DCDC1: variants seen among roughly 807,000 people sequenced by gnomAD.
DCDC1 encodes doublecortin domain containing 1, also known as doublecortin domain-containing protein 1.
In DCDC1, 200 loss-of-function variants were observed where a neutral mutation model predicts 178.3. The ratio of observed to expected loss-of-function variants is 1.12; its 90% CI spans 1.00 to 1.26. DCDC1 has a LOEUF of 1.26. Among genes scored for constraint, DCDC1 ranks in the 50% most tolerant of loss-of-function variants. The pLI, the probability that DCDC1 is intolerant of heterozygous loss-of-function variation, is 0.00. For synonymous variants in DCDC1, 690 were observed against 604.8 expected (o/e 1.14, Z -2.07); for missense variants, 1,983 against 1,749.2 (o/e 1.13, Z -2.38).
chr11:30,976,101 C>T (rs1256643898), intron 20 of DCDC1, among the ~76,000 whole-genome samples: 1 of 152,058 alleles, frequency 6.6e-6, no homozygotes, highest in Non-Finnish European at 1.5e-5. Flanking sequence ...TAAGAACAAA[C>T]ATTGGTGAAA....
At chr11:30,867,626 G>A (rs1301386205) in intron 38 of DCDC1, among the ~76,000 whole-genome samples, 1 of 152,110 alleles carries the variant, frequency 6.6e-6, no homozygotes, top group Non-Finnish European at 1.5e-5. Context: ...TCCCTGGAAG[G>A]AGTGACCTCC....
chr11:30,994,588 G>A (rs1410581475), intron 20 of DCDC1, among the ~76,000 whole-genome samples: 1 of 146,406 alleles, frequency 6.8e-6, no homozygotes, highest in Non-Finnish European at 1.5e-5. Context: ...ACGTCTAGGT[G>A]GGGTGGCTCA....
intron 1 of DCDC1, among the ~76,000 whole-genome samples, chr11:31,337,828 T>C (rs1246122386): frequency 6.6e-6 from 1 of 152,164 alleles, no homozygotes; most frequent in Non-Finnish European, 1.5e-5. Context: ...TTAAAAATAA[T>C]GTCTAGACGT....
At chr11:31,110,003 A>C (rs1959100102) in intron 12 of DCDC1, among the ~76,000 whole-genome samples, 1 of 152,178 alleles carries the variant, frequency 6.6e-6, no homozygotes. Context: ...ATGTATCAAA[A>C]CCAGGGCCAA....
chr11:31,207,912 T>C (rs1240300474), intron 9 of DCDC1, among the ~76,000 whole-genome samples: 1 of 152,210 alleles, frequency 6.6e-6, no homozygotes, highest in Non-Finnish European at 1.5e-5. Context: ...ACTTTAATCA[T>C]CAGCAGTATC....
At chr11:30,923,859 C>T (rs1387629853) in intron 23 of DCDC1, among the ~76,000 whole-genome samples, 1 of 152,066 alleles carries the variant, frequency 6.6e-6, no homozygotes, top group Non-Finnish European at 1.5e-5. Context: ...TCAGGTGATC[C>T]ACCCACCTCG....
At chr11:31,235,096 T>A (rs1467908294) in intron 9 of DCDC1, among the ~76,000 whole-genome samples, 1 of 152,118 alleles carries the variant, frequency 6.6e-6, no homozygotes, top group Non-Finnish European at 1.5e-5. Flanking sequence ...TTCATCTAAC[T>A]AAAGAAGGAT....
chr11:31,077,980 T>C (rs1407006653), intron 17 of DCDC1, 55 bp from the exon 18 acceptor site: 5 of 756,140 alleles, frequency 6.6e-6, no homozygotes, highest in Middle Eastern at 2.3e-4. Context: ...GAAACACTTG[T>C]AGGTTTTAAA....
intron 9 of DCDC1, among the ~76,000 whole-genome samples, chr11:31,156,518 T>A (rs778853996): frequency 1.3e-5 from 2 of 152,154 alleles, no homozygotes; most frequent in Non-Finnish European, 2.9e-5. Flanking sequence ...AAATTTATTT[T>A]AGTAATGTAT....
intron 21 of DCDC1, among the ~76,000 whole-genome samples, chr11:30,950,025 C>T (rs1277661213): frequency 6.6e-6 from 1 of 151,762 alleles, no homozygotes; most frequent in Admixed American, 6.6e-5. Flanking sequence ...GGCAAAAGAG[C>T]TGAATAGACA....
intron 20 of DCDC1, among the ~76,000 whole-genome samples, chr11:31,007,782 C>T (rs1369559913): frequency 1.3e-5 from 2 of 151,868 alleles, no homozygotes; most frequent in Non-Finnish European, 2.9e-5. Flanking sequence ...TCGTGCCTCA[C>T]CCTCTGAATA....
At chr11:31,138,971 T>C (rs973279740) in intron 9 of DCDC1, among the ~76,000 whole-genome samples, 46 of 151,878 alleles carry the variant, frequency 3.0e-4, no homozygotes, top group African/African-American at 1.1e-3. Flanking sequence ...TCACCCTAGA[T>C]AAGGAGTTGG....
chr11:31,332,114 G>A (rs1375157212), intron 2 of DCDC1, among the ~76,000 whole-genome samples: 1 of 152,164 alleles, frequency 6.6e-6, no homozygotes, highest in East Asian at 1.9e-4. Flanking sequence ...TTGGGAGGGT[G>A]TATGTATCCA....
At chr11:31,094,766 T>C (rs1958043554) in intron 15 of DCDC1, among the ~76,000 whole-genome samples, 1 of 152,094 alleles carries the variant, frequency 6.6e-6, no homozygotes, top group Non-Finnish European at 1.5e-5. Flanking sequence ...TGGAGTCAGG[T>C]GGACAGCAGG....
At chr11:31,358,176 G>A (rs1279008887) in intron 1 of DCDC1, among the ~76,000 whole-genome samples, 2 of 151,644 alleles carry the variant, frequency 1.3e-5, no homozygotes, top group African/African-American at 2.4e-5. Context: ...CACGCTACCT[G>A]ACTTCAAACT....
chr11:31,019,742 T>G (rs775591725), intron 20 of DCDC1, among the ~76,000 whole-genome samples: 1 of 152,188 alleles, frequency 6.6e-6, no homozygotes. Context: ...CAGATCTCCA[T>G]GCTCAGCAGT....
chr11:30,917,470 C>T (rs1004279870), intron 25 of DCDC1, among the ~76,000 whole-genome samples: 2 of 152,066 alleles, frequency 1.3e-5, no homozygotes, highest in African/African-American at 4.8e-5. Context: ...GTTAAGAAAC[C>T]TTAACTTTTC....
At chr11:31,185,608 A>G (rs974188359) in intron 9 of DCDC1, among the ~76,000 whole-genome samples, 1 of 152,288 alleles carries the variant, frequency 6.6e-6, no homozygotes, top group East Asian at 1.9e-4. Context: ...CAGGTGGTCA[A>G]TTGTGTGGAA....
At chr11:31,159,896 G>A (rs1966136490) in intron 9 of DCDC1, among the ~76,000 whole-genome samples, 1 of 152,102 alleles carries the variant, frequency 6.6e-6, no homozygotes, top group Admixed American at 6.6e-5. Context: ...TTTCCACCAA[G>A]TGTCTTTGTA....
Sources: allele counts gnomAD v4.1 joint callset (sites outside exome capture counted in the v4.1 genomes callset), GRCh38; gene constraint gnomAD v4.1.1; transcripts MANE v1.5; gene names NCBI Gene and HGNC (gene_info 2026-07-23, HGNC 2026-07-21).